Variants in PREX2 observed in about 807,000 individuals in gnomAD.
PREX2 encodes phosphatidylinositol 3,4,5-trisphosphate-dependent Rac exchanger 2 protein.
Under a neutral mutation model 203.2 loss-of-function variants are expected in PREX2, and 107 were observed. That is an observed-to-expected ratio of 0.53 (90% CI 0.45 to 0.62). PREX2 has a LOEUF of 0.62. PREX2 is among the 20% of genes least tolerant of loss of function. The pLI is 0.00. For missense variants in PREX2, 1,777 were observed against 1,955.9 expected (o/e 0.91, Z 1.72); for synonymous variants, 672 against 663.6 (o/e 1.01, Z -0.19).
At chr8:68,022,835 C>T (rs955836718) in intron 4 of PREX2, among the ~76,000 whole-genome samples, 4 of 152,172 alleles carry the variant, frequency 2.6e-5, no homozygotes, top group African/African-American at 9.7e-5. Flanking sequence ...TTGTTTTCAT[C>T]TCTATAGATT....
intron 1 of PREX2, among the ~76,000 whole-genome samples, chr8:67,980,414 T>A (rs1461896092): frequency 6.6e-6 from 1 of 152,054 alleles, no homozygotes; most frequent in Non-Finnish European, 1.5e-5. Context: ...TAGGATTGGA[T>A]GTTCCAAAAA....
At chr8:68,109,245 T>G (rs1240073825) in intron 24 of PREX2, among the ~76,000 whole-genome samples, 171 bp from the exon 25 acceptor site, 1 of 152,248 alleles carries the variant, frequency 6.6e-6, no homozygotes, top group Non-Finnish European at 1.5e-5. Flanking sequence ...ATATGTTAAT[T>G]ACCTAGATTT....
At chr8:68,112,692 C>T (rs1438472563) in intron 25 of PREX2, among the ~76,000 whole-genome samples, 1 of 151,994 alleles carries the variant, frequency 6.6e-6, no homozygotes, top group Admixed American at 6.6e-5. Flanking sequence ...TATGAAACAC[C>T]GGGATGCACC....
At chr8:68,034,496 G>A (rs2129610607) in intron 6 of PREX2, among the ~76,000 whole-genome samples, 1 of 152,210 alleles carries the variant, frequency 6.6e-6, no homozygotes, top group South Asian at 2.1e-4. Flanking sequence ...TGATACGCTT[G>A]TTTGGAATTG....
At chr8:68,104,752 T>A (rs7017171) in intron 23 of PREX2, among the ~76,000 whole-genome samples, 6 of 152,002 alleles carry the variant, frequency 3.9e-5, no homozygotes, top group African/African-American at 1.2e-4. Context: ...TGTTTACTGA[T>A]GTTCCCCAAC....
intron 29 of PREX2, among the ~76,000 whole-genome samples, chr8:68,120,549 T>C (rs1810750943): frequency 6.6e-6 from 1 of 152,154 alleles, no homozygotes; most frequent in Non-Finnish European, 1.5e-5. Flanking sequence ...TAATTGAAGA[T>C]ACATAAACAT....
At chr8:68,000,017 TGG>T (rs1806892821) in intron 1 of PREX2, among the ~76,000 whole-genome samples, 1 of 152,176 alleles carries the variant, frequency 6.6e-6, no homozygotes, top group South Asian at 2.1e-4. Flanking sequence ...TTATACTGAA[TGG>T]GCAAAAGCTG....
intron 23 of PREX2, 48 bp from the exon 24 acceptor site, chr8:68,108,061 G>T: frequency 7.7e-7 from 1 of 1,300,954 alleles, no homozygotes. Context: ...AGATGCCTGA[G>T]TTATTACTGT....
chr8:68,014,363 A>AT (rs948792577), intron 1 of PREX2, among the ~76,000 whole-genome samples: 1 of 152,072 alleles, frequency 6.6e-6, no homozygotes, highest in East Asian at 1.9e-4. Flanking sequence ...ATCTAGGAAT[A>AT]TTTTTTGTGG....
At position 68,087,401 on chromosome 8, in the gene PREX2, C is replaced by G. The variant is rs1289456531; in HGVS notation, c.2028-323C>G. Among the ~76,000 whole-genome samples, 5 of 152,128 alleles carry G rather than the reference C, an allele frequency of 3.3e-5. No individual in the cohort carries two copies. The East Asian group carries it at 9.6e-4, about 29-fold the overall frequency. On this transcript the variant is annotated intron_variant, in intron 18 of 39. Coordinates refer to ENST00000288368, the MANE Select transcript of PREX2 (RefSeq NM_024870.4). The stretch of plus-strand genomic sequence containing the variant: ...TAACCAAGCATGGTGTCACCTTGTG[C>G]CTGTAGTCCCAGCCACTTGGGAGGC...
chr8:68,175,876 A>T (rs1382024995), intron 35 of PREX2, among the ~76,000 whole-genome samples: 1 of 152,018 alleles, frequency 6.6e-6, no homozygotes, highest in African/African-American at 2.4e-5. Flanking sequence ...ATCTTTAAAT[A>T]TAAAATGTTT....
chr8:68,152,095 C>T (rs2129613805), intron 34 of PREX2, among the ~76,000 whole-genome samples: 1 of 151,576 alleles, frequency 6.6e-6, no homozygotes, highest in South Asian at 2.1e-4. Context: ...CGTAGCCATC[C>T]TGGCTAACAC....
chr8:68,122,274 C>A (rs888621037), intron 30 of PREX2, among the ~76,000 whole-genome samples: 1 of 152,016 alleles, frequency 6.6e-6, no homozygotes, highest in Non-Finnish European at 1.5e-5. Context: ...TGGAATACTT[C>A]CCCAAATAAA....
chr8:68,228,765 C>CTAAA (rs59480721), intron 39 of PREX2, among the ~76,000 whole-genome samples: 6,687 of 140,580 alleles, frequency 0.048, 199 homozygotes, highest in Non-Finnish European at 0.055. Context: ...GACTCCGTCT[C>CTAAA]TAAATAAATA....
intron 11 of PREX2, among the ~76,000 whole-genome samples, chr8:68,064,261 T>A (rs540627000): frequency 6.6e-6 from 1 of 152,342 alleles, no homozygotes; most frequent in Admixed American, 6.5e-5. Context: ...GAGCTGATAA[T>A]TAAATACATT....
intron 21 of PREX2, among the ~76,000 whole-genome samples, chr8:68,094,722 G>A (rs1025284705): frequency 1.3e-5 from 2 of 152,138 alleles, no homozygotes; most frequent in African/African-American, 4.8e-5. Flanking sequence ...TATGTGTGGG[G>A]TTTTCCCCCA....
At chr8:68,007,468 A>G (rs1807128035) in intron 1 of PREX2, among the ~76,000 whole-genome samples, 2 of 152,352 alleles carry the variant, frequency 1.3e-5, no homozygotes, top group African/African-American at 2.4e-5. Context: ...GTAAAATAGA[A>G]TGGTTCTCCT....
intron 1 of PREX2, among the ~76,000 whole-genome samples, chr8:67,969,617 AT>A (rs1249299735): frequency 6.6e-6 from 1 of 152,134 alleles, no homozygotes; most frequent in Non-Finnish European, 1.5e-5. Flanking sequence ...CCTCAAGTCC[AT>A]TTTCCACCTA....
intron 37 of PREX2, among the ~76,000 whole-genome samples, chr8:68,194,054 C>A (rs1370892724): frequency 6.6e-6 from 1 of 152,162 alleles, no homozygotes; most frequent in Non-Finnish European, 1.5e-5. Context: ...TTGAAAATAT[C>A]ATCTGTATCT....
Sources: gnomAD v4.1 joint callset for allele counts (sites outside exome capture counted in the v4.1 genomes callset) on GRCh38, gnomAD v4.1.1 for gene constraint, MANE v1.5 for transcripts, NCBI Gene and HGNC (gene_info 2026-07-23, HGNC 2026-07-21) for gene names.